DLC1: variants seen among roughly 807,000 people sequenced by gnomAD.
DLC1 encodes the protein rho GTPase-activating protein 7.
In DLC1, 54 loss-of-function variants were observed where a neutral mutation model predicts 140.3. The observed-to-expected ratio is 0.38, with a 90% CI of 0.31 to 0.48. The LOEUF is 0.48. DLC1 is among the 20% of genes least tolerant of loss of function. DLC1 has a pLI of 0.96. For synonymous variants in DLC1, 986 were observed against 728.1 expected, an observed-to-expected ratio of 1.35 and a Z score of -5.70; for missense variants, 2,536 against 1,907.0, an observed-to-expected ratio of 1.33 and a Z score of -6.14.
chr8:13,383,939 G>C (rs1563302210), intron 4 of DLC1, among the ~76,000 whole-genome samples: 1 of 152,174 alleles, frequency 6.6e-6, no homozygotes, highest in African/African-American at 2.4e-5. Context: ...CTAAATTTCT[G>C]ACATGCGTGG....
chr8:13,462,628 G>A (rs1202608509), intron 2 of DLC1, among the ~76,000 whole-genome samples: 1 of 151,938 alleles, frequency 6.6e-6, no homozygotes, highest in Non-Finnish European at 1.5e-5. Context: ...GGATGGTCTC[G>A]ATCTCCTGAC....
At chr8:13,237,197 ATGTGTGTG>A (rs376660880) in intron 5 of DLC1, among the ~76,000 whole-genome samples, 1 of 138,200 alleles carries the variant, frequency 7.2e-6, no homozygotes, top group African/African-American at 2.7e-5. Context: ...ATATATATAT[ATGTGTGTG>A]TGTGTGTGTG....
chr8:13,480,958 A>C (rs1003455683), intron 2 of DLC1, among the ~76,000 whole-genome samples: 1 of 152,254 alleles, frequency 6.6e-6, no homozygotes, highest in Middle Eastern at 3.4e-3. Context: ...TGCAGTGTAG[A>C]ATATGGATTG....
intron 2 of DLC1, among the ~76,000 whole-genome samples, chr8:13,448,594 C>T (rs1420949788): frequency 1.3e-5 from 2 of 152,148 alleles, no homozygotes; most frequent in East Asian, 3.9e-4. Flanking sequence ...AACTCCTGAC[C>T]TCAGGTGATC....
chr8:13,365,214 A>C (rs1835424377), intron 4 of DLC1, among the ~76,000 whole-genome samples: 1 of 152,194 alleles, frequency 6.6e-6, no homozygotes, highest in South Asian at 2.1e-4. Context: ...GACTTAAATT[A>C]GGAGAAAAAT....
At chr8:13,252,760 C>T (rs1052248900) in intron 5 of DLC1, among the ~76,000 whole-genome samples, 2 of 152,152 alleles carry the variant, frequency 1.3e-5, no homozygotes, top group Non-Finnish European at 2.9e-5. Context: ...AGATTTACGT[C>T]ATGCTCCAAA....
At chr8:13,598,843 A>G (rs866297394) in intron 1 of DLC1, among the ~76,000 whole-genome samples, 1 of 151,980 alleles carries the variant, frequency 6.6e-6, no homozygotes, top group Non-Finnish European at 1.5e-5. Context: ...AAAATTCTGA[A>G]AAATAATTTA....
chr8:13,512,434 A>G (rs6530638), intron 1 of DLC1, among the ~76,000 whole-genome samples: 3,656 of 152,252 alleles, frequency 0.024, 171 homozygotes, highest in African/African-American at 0.083. Context: ...TTGTTCAGAC[A>G]TTTATTTATA....
At chr8:13,416,462 G>T (rs1248335467) in intron 2 of DLC1, among the ~76,000 whole-genome samples, 2 of 152,114 alleles carry the variant, frequency 1.3e-5, no homozygotes, top group African/African-American at 2.4e-5. Flanking sequence ...TTTATTGAGT[G>T]CAGACATACA....
intron 4 of DLC1, chr8:13,339,771 G>T (rs367726776): frequency 2.0e-5 from 3 of 152,090 alleles, no homozygotes; most frequent in African/African-American, 7.2e-5. Context: ...AAAATTACTT[G>T]TATAGAAAGC....
Position 13,099,363 on chromosome 8 carries a change from G to A in DLC1, c.2974C>T (p.Leu992=). 6.2e-7 allele frequency: 1 copy of A among 1,613,754 alleles called. No individual in the cohort carries two copies. Among genetic ancestry groups the A allele is most frequent in the Non-Finnish European group, 8.5e-7 (1 of 1,179,898 alleles). The part of the protein sequence containing the change: ...ERRDSGVGAS[L]TRSNRHRLRW... ...AGTTCTTACCTGTTGGACCTGGTTA[G>A]GGAAGCCCCAACCCCAGAATCCCTT... is the stretch of plus-strand genomic sequence containing the variant. The change falls in exon 9 of 18, where the codon CTA becomes TTA. Residue 992 remains leucine, a synonymous_variant. Coordinates refer to ENST00000276297, the MANE Select transcript of DLC1 (RefSeq NM_182643.3).
At chr8:13,426,602 T>C (rs998707074) in intron 2 of DLC1, among the ~76,000 whole-genome samples, 4 of 152,160 alleles carry the variant, frequency 2.6e-5, no homozygotes, top group African/African-American at 7.2e-5. Flanking sequence ...CAAGTGAGAA[T>C]TGACACCATC....
At chr8:13,554,631 A>G (rs1803978092) in intron 1 of DLC1, among the ~76,000 whole-genome samples, 1 of 152,010 alleles carries the variant, frequency 6.6e-6, no homozygotes, top group African/African-American at 2.4e-5. Flanking sequence ...CAAACCCTCT[A>G]AGAAATCTTT....
At chr8:13,300,991 G>A (rs1017703874) in intron 5 of DLC1, among the ~76,000 whole-genome samples, 3 of 152,122 alleles carry the variant, frequency 2.0e-5, no homozygotes, top group African/African-American at 4.8e-5. Context: ...ATGAGAGGGC[G>A]GTGCTGACAG....
chr8:13,555,125 T>C (rs1696564881), intron 1 of DLC1, among the ~76,000 whole-genome samples: 1 of 152,254 alleles, frequency 6.6e-6, no homozygotes, highest in African/African-American at 2.4e-5. Flanking sequence ...TTCACTCCTT[T>C]GTTTAAATGT....
chr8:13,370,005 T>C (rs1457226201), intron 4 of DLC1, among the ~76,000 whole-genome samples: 1 of 151,104 alleles, frequency 6.6e-6, no homozygotes, highest in Non-Finnish European at 1.5e-5. Context: ...CTCGCTCACT[T>C]GGCCCCAGAA....
At chr8:13,251,087 C>T (rs1001970644) in intron 5 of DLC1, among the ~76,000 whole-genome samples, 4 of 152,198 alleles carry the variant, frequency 2.6e-5, no homozygotes, top group African/African-American at 4.8e-5. Context: ...GGCTTATAGA[C>T]AGCCACCTTC....
chr8:13,509,414 C>G (rs573936063), intron 1 of DLC1, among the ~76,000 whole-genome samples: 3 of 152,290 alleles, frequency 2.0e-5, no homozygotes, highest in South Asian at 4.1e-4. Flanking sequence ...GTCAATGTCT[C>G]TGCTATCAAC....
chr8:13,240,697 T>A (rs1829508770), intron 5 of DLC1, among the ~76,000 whole-genome samples: 1 of 152,162 alleles, frequency 6.6e-6, no homozygotes, highest in Non-Finnish European at 1.5e-5. Flanking sequence ...CCTCCCAAAG[T>A]GCTGGGATTA....
Sources: allele counts gnomAD v4.1 joint callset (sites outside exome capture counted in the v4.1 genomes callset), GRCh38; gene constraint gnomAD v4.1.1; transcripts MANE v1.5; gene names NCBI Gene and HGNC (gene_info 2026-07-23, HGNC 2026-07-21).